Variants in CSTPP1 observed in about 807,000 individuals in gnomAD.
CSTPP1 encodes UPF0705 protein C11orf49.
chr11:47,068,314 T>C, the CSTPP1 span, among the ~76,000 whole-genome samples: 1 of 152,170 alleles, frequency 6.6e-6, no homozygotes, highest in Non-Finnish European at 1.5e-5. Flanking sequence ...GGCAGATCAT[T>C]TGAGGCCAGG....
At chr11:47,086,180 G>A in the CSTPP1 span, among the ~76,000 whole-genome samples, 1 of 132,512 alleles carries the variant, frequency 7.5e-6, no homozygotes, top group Non-Finnish European at 1.6e-5. Context: ...CTTGAGGTCA[G>A]GAGTTTGAGA....
the CSTPP1 span, among the ~76,000 whole-genome samples, chr11:46,980,220 A>G: frequency 6.6e-6 from 1 of 152,152 alleles, no homozygotes; most frequent in Non-Finnish European, 1.5e-5. Context: ...GGTTGAGGGA[A>G]ATAGACTTTA....
the CSTPP1 span, among the ~76,000 whole-genome samples, chr11:47,132,262 A>G: frequency 6.6e-6 from 1 of 152,082 alleles, no homozygotes; most frequent in African/African-American, 2.4e-5. Context: ...CTTTTTCCCT[A>G]TGAATTTTTA....
the CSTPP1 span, among the ~76,000 whole-genome samples, chr11:47,068,361 G>A: frequency 1.3e-5 from 2 of 152,096 alleles, no homozygotes; most frequent in Admixed American, 1.3e-4. Context: ...GTGAAACCCT[G>A]TCTCTATTAA....
chr11:47,162,142 C>T, the CSTPP1 span: 1 of 985,836 alleles, frequency 1.0e-6, no homozygotes, highest in Non-Finnish European at 1.2e-6. Context: ...GAAGGGTGGG[C>T]CAGAAGATGA....
the CSTPP1 span, among the ~76,000 whole-genome samples, chr11:47,149,465 T>C: frequency 0.014 from 2,177 of 151,994 alleles, 50 homozygotes; most frequent in African/African-American, 0.05. Flanking sequence ...CCTCTGGGAG[T>C]GGCAATGAGC....
At chr11:47,053,195 A>C in the CSTPP1 span, among the ~76,000 whole-genome samples, 1 of 152,238 alleles carries the variant, frequency 6.6e-6, no homozygotes, top group Admixed American at 6.5e-5. Flanking sequence ...ATGCTGAAGC[A>C]CAAAAGAACC....
chr11:47,008,427 G>T, the CSTPP1 span, among the ~76,000 whole-genome samples: 1 of 152,162 alleles, frequency 6.6e-6, no homozygotes, highest in African/African-American at 2.4e-5. Flanking sequence ...TTCTGAAGTG[G>T]TGATAAGTAT....
the CSTPP1 span, among the ~76,000 whole-genome samples, chr11:47,091,149 T>C: frequency 1.3e-5 from 2 of 150,680 alleles, no homozygotes; most frequent in South Asian, 2.1e-4. Context: ...CCCAGCACTT[T>C]GGGAGGCCAA....
At chr11:46,964,905 G>A in the CSTPP1 span, among the ~76,000 whole-genome samples, 1 of 152,000 alleles carries the variant, frequency 6.6e-6, no homozygotes, top group Non-Finnish European at 1.5e-5. Flanking sequence ...TAAAATTGGG[G>A]GTTTCTATAG....
chr11:47,036,057 T>TA, the CSTPP1 span, among the ~76,000 whole-genome samples: 2 of 7,966 alleles, frequency 2.5e-4, 1 homozygote, highest in African/African-American at 2.4e-3. Context: ...ATATATATAT[T>TA]ATATATATAT....
chr11:47,013,081 AATAAC>A, the CSTPP1 span, among the ~76,000 whole-genome samples: 2 of 147,144 alleles, frequency 1.4e-5, no homozygotes, highest in African/African-American at 2.5e-5. Context: ...TTATTATATA[AATAAC>A]ATATAATCAT....
the CSTPP1 span, among the ~76,000 whole-genome samples, chr11:47,063,881 A>AT: frequency 6.6e-6 from 1 of 152,086 alleles, no homozygotes; most frequent in African/African-American, 2.4e-5. Context: ...TTTATGTTTA[A>AT]TTTTTTGAGG....
the CSTPP1 span, among the ~76,000 whole-genome samples, chr11:47,089,101 A>C: frequency 0.65 from 98,520 of 151,948 alleles, 32,351 homozygotes; most frequent in Middle Eastern, 0.7. Context: ...GACAGGCCCC[A>C]GTCTGCAGCA....
At chr11:46,944,328 A>AG in the CSTPP1 span, among the ~76,000 whole-genome samples, 1 of 151,972 alleles carries the variant, frequency 6.6e-6, no homozygotes, top group East Asian at 1.9e-4. Flanking sequence ...AAAAAAAAAA[A>AG]AAAAAAAATT....
the CSTPP1 span, among the ~76,000 whole-genome samples, chr11:47,163,647 A>AT: frequency 4.0e-4 from 60 of 151,798 alleles, no homozygotes; most frequent in Non-Finnish European, 4.1e-4. Flanking sequence ...TATATATGTA[A>AT]TTTTTTCTTT....
the CSTPP1 span, among the ~76,000 whole-genome samples, chr11:47,015,116 C>T: frequency 2.0e-4 from 30 of 152,108 alleles, no homozygotes; most frequent in African/African-American, 6.3e-4. Context: ...TTAGACCAAA[C>T]GGACAAAGAC....
chr11:47,086,875 A>C, the CSTPP1 span, among the ~76,000 whole-genome samples: 2 of 152,088 alleles, frequency 1.3e-5, no homozygotes, highest in Non-Finnish European at 2.9e-5. Flanking sequence ...ATGTAAACTT[A>C]CTCCCTTTTT....
the CSTPP1 span, among the ~76,000 whole-genome samples, chr11:47,069,982 G>C: frequency 9.9e-5 from 15 of 152,132 alleles, no homozygotes; most frequent in Non-Finnish European, 1.6e-4. Context: ...CAAAGTGCTG[G>C]GATTACAGGC....
Sources: gnomAD v4.1 joint callset for allele counts (sites outside exome capture counted in the v4.1 genomes callset) on GRCh38, gnomAD v4.1.1 for gene constraint, MANE v1.5 for transcripts, NCBI Gene and HGNC (gene_info 2026-07-23, HGNC 2026-07-21) for gene names.